The following NIBAN2 variants were observed in gnomAD, a reference collection of about 807,000 sequenced individuals.
NIBAN2 encodes the protein protein Niban 2.
Under a neutral mutation model 81.8 loss-of-function variants are expected in NIBAN2, and 36 were observed. That is an observed-to-expected ratio of 0.44 (90% CI 0.34 to 0.58). The LOEUF (loss-of-function observed/expected upper bound fraction) is 0.58, where lower values mean the gene tolerates loss of function less well. NIBAN2 is among the 20% of genes least tolerant of loss of function. The pLI, the probability that NIBAN2 is intolerant of heterozygous loss-of-function variation, is 0.02. For synonymous variants in NIBAN2, 445 were observed against 441.6 expected, an observed-to-expected ratio of 1.01 and a Z score of -0.10; for missense variants, 897 against 1,014.1, an observed-to-expected ratio of 0.88 and a Z score of 1.57.
At chr9:127,553,177 G>T (rs1837609134) in intron 1 of NIBAN2, among the ~76,000 whole-genome samples, 1 of 152,100 alleles carries the variant, frequency 6.6e-6, no homozygotes, top group Non-Finnish European at 1.5e-5. Context: ...ACTAGCTATT[G>T]CTTATGTAAC....
chr9:127,557,290 A>G (rs1327579462), intron 1 of NIBAN2, among the ~76,000 whole-genome samples: 3 of 152,142 alleles, frequency 2.0e-5, no homozygotes, highest in Non-Finnish European at 4.4e-5. Flanking sequence ...AGGGTGACAC[A>G]TGGTTAGTAG....
rs766476603 is a variant in NIBAN2, at chr9:127,517,066, C to G, written c.810+46G>C. 1.9e-6 allele frequency: 3 copies of G among 1,610,542 alleles called. No homozygotes were observed. Among genetic ancestry groups the G allele is most frequent in the South Asian group, 1.1e-5 (1 of 90,946 alleles). On this transcript the variant is annotated intron_variant, in intron 7 of 13. Coordinates refer to ENST00000373312, the MANE Select transcript of NIBAN2 (RefSeq NM_022833.4). The surrounding 1 kb of genome is among the most constrained non-coding windows in gnomAD (Gnocchi z 4.0). The stretch of plus-strand genomic sequence containing the variant: ...TGGCACCAGGGCTGAGGGCACCGCA[C>G]CAGCTGCAGGTCCCGTCCCCGCTCC...
upstream of NIBAN2, among the ~76,000 whole-genome samples, chr9:127,569,362 AAGGG>A (rs1452388545): frequency 2.6e-5 from 4 of 151,558 alleles, no homozygotes; most frequent in Non-Finnish European, 4.4e-5. Flanking sequence ...AGGTCCCAGA[AAGGG>A]AGACCGCGGA....
At chr9:127,537,684 T>A (rs989333592) in intron 1 of NIBAN2, among the ~76,000 whole-genome samples, 1 of 152,254 alleles carries the variant, frequency 6.6e-6, no homozygotes, top group Admixed American at 6.5e-5. Context: ...CCCACGCCCA[T>A]CAGACACAGG....
intron 3 of NIBAN2, among the ~76,000 whole-genome samples, chr9:127,526,128 G>A (rs1473421025): frequency 6.6e-6 from 1 of 152,096 alleles, no homozygotes; most frequent in African/African-American, 2.4e-5. Context: ...CAGTCCGGGT[G>A]CAGTGGCTCA....
upstream of NIBAN2, among the ~76,000 whole-genome samples, chr9:127,571,005 T>A (rs1386104767): frequency 6.6e-6 from 1 of 152,242 alleles, no homozygotes; most frequent in Non-Finnish European, 1.5e-5. Context: ...TGATAACCTC[T>A]TTTCATTTTT....
At chr9:127,555,384 G>A (rs1051978828) in intron 1 of NIBAN2, among the ~76,000 whole-genome samples, 1 of 152,200 alleles carries the variant, frequency 6.6e-6, no homozygotes, top group Non-Finnish European at 1.5e-5. Flanking sequence ...TCTGTCTAGG[G>A]ACACACAAAG....
chr9:127,550,644 G>A (rs569110988), intron 1 of NIBAN2, among the ~76,000 whole-genome samples: 4 of 152,206 alleles, frequency 2.6e-5, no homozygotes, highest in Non-Finnish European at 5.9e-5. Context: ...TTCCCAGAAA[G>A]GTTAACTCCA....
chr9:127,575,699 C>T (rs73607760), intron 1 of NIBAN2, among the ~76,000 whole-genome samples: 10,491 of 151,676 alleles, frequency 0.069, 635 homozygotes, highest in African/African-American at 0.16. Context: ...CTGGTTAATT[C>T]TGGTATTTTT....
At position 127,505,964 on chromosome 9, in the gene NIBAN2, G is replaced by A. The variant is rs1312510585; in HGVS notation, c.*881C>T. On this transcript the variant is annotated 3_prime_UTR_variant, in exon 14 of 14. Coordinates refer to ENST00000373312, the MANE Select transcript of NIBAN2 (RefSeq NM_022833.4). ...ACCTCGGGGTGGCCTGTAGAAGACA[G>A]AACCCAGCCCCATTACACCCCTTGC... The A allele has an allele frequency of 2.0e-5, 3 of 152,460 alleles. No individual in the cohort carries two copies. Among genetic ancestry groups the A allele is most frequent in the Non-Finnish European group, 2.9e-5 (2 of 68,320 alleles). 9.4% of individuals were successfully genotyped at this position (152,460 alleles called of 1,614,324 possible). A position where few individuals can be genotyped will look rare whatever the true frequency, so the allele number is the denominator to read the frequency against.
chr9:127,558,629 C>T (rs1192856749), intron 1 of NIBAN2, among the ~76,000 whole-genome samples: 1 of 152,130 alleles, frequency 6.6e-6, no homozygotes, highest in Admixed American at 6.5e-5. Context: ...AGGCACACAC[C>T]TTCCCCAGCC....
intron 1 of NIBAN2, among the ~76,000 whole-genome samples, chr9:127,547,752 G>A (rs997380482): frequency 9.2e-5 from 14 of 151,718 alleles, no homozygotes; most frequent in Non-Finnish European, 2.1e-4. Context: ...CAGGAGAATC[G>A]CTTGAACCCT....
At chr9:127,534,664 C>A (rs527520025) in intron 1 of NIBAN2, among the ~76,000 whole-genome samples, 3 of 152,326 alleles carry the variant, frequency 2.0e-5, no homozygotes, top group African/African-American at 4.8e-5. Flanking sequence ...TCCCTGTACT[C>A]CCCTTTCCTG....
At chr9:127,553,646 G>GC (rs1837617399) in intron 1 of NIBAN2, among the ~76,000 whole-genome samples, 1 of 152,228 alleles carries the variant, frequency 6.6e-6, no homozygotes. Context: ...TCAGCCTCGT[G>GC]CAGCGCATGC....
intron 2 of NIBAN2, among the ~76,000 whole-genome samples, chr9:127,531,347 G>A (rs1259599894): frequency 6.6e-6 from 1 of 152,106 alleles, no homozygotes; most frequent in Non-Finnish European, 1.5e-5. Flanking sequence ...AGCCGGGCAT[G>A]GTGGTGCACG....
At chr9:127,553,030 C>A (rs1219304610) in intron 1 of NIBAN2, among the ~76,000 whole-genome samples, 3 of 151,912 alleles carry the variant, frequency 2.0e-5, no homozygotes, top group Non-Finnish European at 4.4e-5. Flanking sequence ...AGGAGGAGGC[C>A]CACTACTCAC....
Position 127,545,381 on chromosome 9 carries a change from C to T in NIBAN2, c.56-13603G>A, listed in dbSNP as rs904011145. On this transcript the variant is annotated intron_variant, in intron 1 of 13. Coordinates refer to ENST00000373312, the MANE Select transcript of NIBAN2 (RefSeq NM_022833.4). The surrounding 1 kb of genome is among the most constrained non-coding windows in gnomAD (Gnocchi z 4.7). Reference sequence around the variant, plus strand: ...CGCTCCCCGGACTGAGACTGCTCTCCGCTGTCTCCCCAGCACCCAGCTCCC... The same window carrying T: ...CGCTCCCCGGACTGAGACTGCTCTCTGCTGTCTCCCCAGCACCCAGCTCCC... 1.3e-5 allele frequency among the ~76,000 whole-genome samples: 2 copies of T among 152,180 alleles called. No homozygotes were observed. Among genetic ancestry groups the T allele is most frequent in the African/African-American group, 2.4e-5 (1 of 41,444 alleles).
chr9:127,535,044 T>C (rs1255528893), intron 1 of NIBAN2, among the ~76,000 whole-genome samples: 1 of 147,130 alleles, frequency 6.8e-6, no homozygotes, highest in Non-Finnish European at 1.5e-5. Flanking sequence ...GGATGAGGAG[T>C]CAAGCCACGC....
chr9:127,550,100 A>C (rs1303508377), intron 1 of NIBAN2, among the ~76,000 whole-genome samples: 1 of 152,220 alleles, frequency 6.6e-6, no homozygotes, highest in East Asian at 1.9e-4. Context: ...GGGTGGTGAT[A>C]CAGGGCTAAG....
Sources: gnomAD v4.1 joint callset for allele counts (sites outside exome capture counted in the v4.1 genomes callset) on GRCh38, gnomAD v4.1.1 for gene constraint, Gnocchi (gnomAD v3.1) non-coding constraint, MANE v1.5 for transcripts, NCBI Gene and HGNC (gene_info 2026-07-23, HGNC 2026-07-21) for gene names.